PCDH11Y: variants seen among roughly 807,000 people sequenced by gnomAD.
The protein encoded by PCDH11Y is protocadherin 11 Y-linked, also known as protocadherin-11 Y-linked.
For synonymous variants in PCDH11Y, 9 were observed against 83.6 expected, an observed-to-expected ratio of 0.11 and a Z score of 4.87; for missense variants, 12 against 224.8, an observed-to-expected ratio of 0.05 and a Z score of 6.05.
chrY:5,207,495 G>A (rs2571929), intron 2 of PCDH11Y: 6 of 332,087 alleles, frequency 1.8e-5, no homozygotes, highest in East Asian at 9.6e-5. Context: ...AAATGAGGCC[G>A]CCAAACTCTG....
intron 2 of PCDH11Y, among the ~76,000 whole-genome samples, chrY:5,361,808 TATTAAGTATTATTATAAAATA>T (rs2053174540): frequency 3.1e-5 from 1 of 32,599 alleles, no homozygotes; most frequent in Non-Finnish European, 7.4e-5. Context: ...TTAGTATGCA[TATTAAGTATTATTATAAAATA>T]AACTTGGTTG....
At chrY:5,146,287 G>C in intron 2 of PCDH11Y, among the ~76,000 whole-genome samples, 5 of 33,350 alleles carry the variant, frequency 1.5e-4, no homozygotes, top group Admixed American at 5.5e-4. Flanking sequence ...AAAAGCTGAG[G>C]ACCCCTGCTT....
At chrY:5,275,040 A>G in intron 2 of PCDH11Y, among the ~76,000 whole-genome samples, 6 of 33,046 alleles carry the variant, frequency 1.8e-4, no homozygotes, top group African/African-American at 7.1e-4. Context: ...TATGTACAGT[A>G]CACTTTTTAA....
intron 4 of PCDH11Y, among the ~76,000 whole-genome samples, chrY:5,587,560 GC>G (rs2053457240): frequency 3.1e-5 from 1 of 32,184 alleles, no homozygotes; most frequent in Non-Finnish European, 7.6e-5. Flanking sequence ...CTGTATTGGG[GC>G]CTATCTCTAT....
chrY:5,201,479 G>A, intron 2 of PCDH11Y, among the ~76,000 whole-genome samples: 1 of 32,020 alleles, frequency 3.1e-5, no homozygotes, highest in East Asian at 8.3e-4. Context: ...CTCCACTTTG[G>A]TTTTGAGATA....
chrY:5,105,627 CAAAA>C (rs747117786), downstream of PCDH11Y, among the ~76,000 whole-genome samples: 2 of 4,402 alleles, frequency 4.5e-4, no homozygotes, highest in Non-Finnish European at 4.9e-4. Flanking sequence ...GACTCCGTCT[CAAAA>C]AAAAAAAAAA....
chrY:5,224,360 T>G (rs1602889102), intron 2 of PCDH11Y, among the ~76,000 whole-genome samples: 1 of 29,367 alleles, frequency 3.4e-5, no homozygotes, highest in East Asian at 8.5e-4. Flanking sequence ...TTGTTTCTTC[T>G]TTATCCCTAC....
chrY:5,019,907 T>C, intron 1 of PCDH11Y, among the ~76,000 whole-genome samples: 5 of 32,089 alleles, frequency 1.6e-4, no homozygotes, highest in Admixed American at 1.2e-3. Flanking sequence ...ATGGATTATT[T>C]CTTCCTTTAA....
intron 2 of PCDH11Y, among the ~76,000 whole-genome samples, chrY:5,367,399 A>G (rs2124672691): frequency 1.1e-4 from 1 of 8,773 alleles, no homozygotes; most frequent in East Asian, 2.9e-3. Context: ...TTTTTTTGAG[A>G]CGGAGTCTCG....
At chrY:5,522,761 C>T in intron 3 of PCDH11Y, among the ~76,000 whole-genome samples, 13 of 33,998 alleles carry the variant, frequency 3.8e-4, no homozygotes, top group Admixed American at 3.4e-3. Flanking sequence ...CTTCTTGCTA[C>T]AACCATTCAT....
chrY:5,339,502 G>A (rs1402117941), intron 2 of PCDH11Y, among the ~76,000 whole-genome samples: 4 of 32,123 alleles, frequency 1.2e-4, no homozygotes, highest in South Asian at 7.0e-4. Context: ...ACAGGCCCCC[G>A]CCACCAAGCC....
chrY:5,454,632 AG>A (rs2053296046), intron 2 of PCDH11Y, among the ~76,000 whole-genome samples: 1 of 33,707 alleles, frequency 3.0e-5, no homozygotes, highest in East Asian at 8.1e-4. Context: ...GTCTTGACTC[AG>A]TGCACCCACA....
chrY:5,633,718 G>A (rs2124703965), intron 4 of PCDH11Y, among the ~76,000 whole-genome samples: 5 of 32,202 alleles, frequency 1.6e-4, no homozygotes, highest in African/African-American at 4.9e-4. Flanking sequence ...CCAACATGGT[G>A]AATCCCCATC....
intron 2 of PCDH11Y, among the ~76,000 whole-genome samples, chrY:5,263,701 A>T: frequency 3.0e-5 from 1 of 33,253 alleles, no homozygotes; most frequent in African/African-American, 1.2e-4. Flanking sequence ...TGGAGGCACC[A>T]ACACTGTGAC....
intron 2 of PCDH11Y, among the ~76,000 whole-genome samples, chrY:5,491,091 G>C: frequency 3.0e-5 from 1 of 33,637 alleles, no homozygotes; most frequent in African/African-American, 1.2e-4. Flanking sequence ...TGTCATGATT[G>C]ATAGTGGGTG....
intron 3 of PCDH11Y, among the ~76,000 whole-genome samples, chrY:5,569,588 GA>G (rs2053437719): frequency 3.0e-5 from 1 of 33,398 alleles, no homozygotes; most frequent in Non-Finnish European, 7.4e-5. Context: ...AATTGAAAGA[GA>G]ATAGGAAAAT....
intron 4 of PCDH11Y, among the ~76,000 whole-genome samples, chrY:5,641,901 G>C: frequency 1.2e-4 from 4 of 33,941 alleles, no homozygotes. Context: ...GCTGCGCTGA[G>C]CAATTTACAG....
chrY:5,175,302 A>T, intron 2 of PCDH11Y, among the ~76,000 whole-genome samples: 1 of 30,331 alleles, frequency 3.3e-5, no homozygotes, highest in African/African-American at 1.3e-4. Flanking sequence ...CTCCTATTGA[A>T]TTAATAAAGC....
chrY:5,106,890 T>C, downstream of PCDH11Y, among the ~76,000 whole-genome samples: 5 of 32,188 alleles, frequency 1.6e-4, no homozygotes, highest in African/African-American at 6.1e-4. Context: ...CAGTCTCAAT[T>C]TAATTTTGAA....
Sources: allele counts gnomAD v4.1 joint callset (sites outside exome capture counted in the v4.1 genomes callset), GRCh38; gene constraint gnomAD v4.1.1; transcripts MANE v1.5; gene names NCBI Gene and HGNC (gene_info 2026-07-23, HGNC 2026-07-21).